Variants in GAREM1 observed in about 807,000 individuals in gnomAD.
GAREM1 encodes GRB2 associated regulator of MAPK1 subtype 1.
Under a neutral mutation model 71.3 loss-of-function variants are expected in GAREM1, and 26 were observed. The observed-to-expected ratio is 0.36, with a 90% CI of 0.27 to 0.51. GAREM1 has a LOEUF of 0.51. Among genes scored for constraint, GAREM1 ranks in the 20% least tolerant of loss-of-function variants. The pLI is 0.95. For synonymous variants in GAREM1, 440 were observed against 433.2 expected, an observed-to-expected ratio of 1.02 and a Z score of -0.20; for missense variants, 1,026 against 1,103.1, an observed-to-expected ratio of 0.93 and a Z score of 0.99.
At chr18:32,459,997 A>G (rs1568020017) in intron 1 of GAREM1, among the ~76,000 whole-genome samples, 1 of 152,164 alleles carries the variant, frequency 6.6e-6, no homozygotes, top group East Asian at 1.9e-4. Context: ...TTTCAAAAAT[A>G]AACATTTACC....
chr18:32,438,699 C>T (rs2048705645), intron 1 of GAREM1, among the ~76,000 whole-genome samples: 1 of 152,280 alleles, frequency 6.6e-6, no homozygotes, highest in East Asian at 1.9e-4. Flanking sequence ...AGGAATTACC[C>T]AACTGCTGAA....
intron 3 of GAREM1, among the ~76,000 whole-genome samples, chr18:32,292,593 T>C (rs1174817358): frequency 6.6e-6 from 1 of 152,170 alleles, no homozygotes; most frequent in African/African-American, 2.4e-5. Flanking sequence ...CCCCAAGCTG[T>C]TCTCGTGATA....
chr18:32,378,011 A>AGTGTGT (rs2048050256), intron 2 of GAREM1, among the ~76,000 whole-genome samples: 1 of 89,886 alleles, frequency 1.1e-5, no homozygotes, highest in Admixed American at 1.1e-4. Context: ...TTACTATATA[A>AGTGTGT]CTGTGTGTGT....
intron 4 of GAREM1, among the ~76,000 whole-genome samples, chr18:32,284,781 G>A (rs553241798): frequency 1.3e-4 from 18 of 141,852 alleles, no homozygotes; most frequent in Admixed American, 5.8e-4. Flanking sequence ...AGACAGTCTC[G>A]CTCTGTCGCC....
intron 2 of GAREM1, among the ~76,000 whole-genome samples, chr18:32,317,132 C>G (rs1013936286): frequency 6.6e-6 from 1 of 152,128 alleles, no homozygotes; most frequent in African/African-American, 2.4e-5. Flanking sequence ...GGGCCAGGCG[C>G]GGTGGCTCAC....
At chr18:32,413,117 C>T (rs2048436363) in intron 1 of GAREM1, 1 of 1,533,622 alleles carries the variant, frequency 6.5e-7, no homozygotes, top group East Asian at 2.2e-5. Context: ...CAAAGCTCAA[C>T]CCTCCAATGA....
chr18:32,394,008 A>T (rs1186164186), intron 1 of GAREM1, among the ~76,000 whole-genome samples: 3 of 152,360 alleles, frequency 2.0e-5, no homozygotes, highest in South Asian at 4.1e-4. Context: ...AAAAATTCTT[A>T]AAAATTTCAG....
intron 2 of GAREM1, among the ~76,000 whole-genome samples, chr18:32,356,906 T>C (rs994107104): frequency 2.6e-5 from 4 of 152,148 alleles, no homozygotes; most frequent in Non-Finnish European, 5.9e-5. Context: ...CCCCCAACCA[T>C]GGCAATCAAT....
intron 1 of GAREM1, among the ~76,000 whole-genome samples, chr18:32,403,488 C>T (rs1453901122): frequency 6.6e-6 from 1 of 152,176 alleles, no homozygotes; most frequent in African/African-American, 2.4e-5. Context: ...AGTTTCCTTG[C>T]CTTGGCCTTT....
chr18:32,301,494 G>A (rs565704703), intron 3 of GAREM1, among the ~76,000 whole-genome samples: 18 of 150,312 alleles, frequency 1.2e-4, no homozygotes, highest in Non-Finnish European at 2.1e-4. Context: ...TTTGCTGATT[G>A]GAGGTCACAC....
Position 32,412,674 on chromosome 18 carries a change from T to C in GAREM1, c.122-19639A>G, listed in dbSNP as rs571772925. 4.8e-5 allele frequency: 72 copies of C among 1,488,184 alleles called. 1 individual carries two copies. The South Asian group carries it at 7.7e-4, about 16-fold the overall frequency. The allele number at this position is 1,488,184 out of a possible 1,614,324, so 92.2% of individuals were successfully genotyped here. On this transcript the variant is annotated intron_variant, in intron 1 of 5. Coordinates refer to ENST00000269209, the MANE Select transcript of GAREM1 (RefSeq NM_001242409.2). ...TTCACAGTTGTGGCCATTCACAGTA[T>C]GGTATTTCTGAATGACAATCTTATC...
chr18:32,286,321 A>T (rs1598930753), intron 4 of GAREM1, among the ~76,000 whole-genome samples: 1 of 143,122 alleles, frequency 7.0e-6, no homozygotes, highest in Non-Finnish European at 1.5e-5. Context: ...CTGGTTCTGG[A>T]GTGTGTGTGT....
At chr18:32,394,975 T>C (rs2048236651) in intron 1 of GAREM1, among the ~76,000 whole-genome samples, 1 of 152,210 alleles carries the variant, frequency 6.6e-6, no homozygotes, top group South Asian at 2.1e-4. Context: ...TAGCAGGTAT[T>C]AGCAGTGATC....
chr18:32,287,475 G>A lies in GAREM1; in HGVS notation c.1122C>T (p.Tyr374=), dbSNP rs138770869. 109 of 1,614,202 alleles carry A rather than the reference G, an allele frequency of 6.8e-5. No homozygotes were observed. Among genetic ancestry groups the A allele is most frequent in the African/African-American group, 5.1e-4 (38 of 75,060 alleles). ...AGGACTGGGTGAGCTCATCGCGGGC[G>A]TAGCTGAGCGAATTGGGCACGTGGT... ...GHNHVPNSLS[Y]ARDELTQSFH... The change falls in exon 4 of 6, where the codon TAC becomes TAT. Residue 374 remains tyrosine (Y), a synonymous_variant. Transcript: ENST00000269209. The surrounding 1 kb of genome is among the most constrained non-coding windows in gnomAD (Gnocchi z 5.9).
intron 1 of GAREM1, 124 bp from the exon 2 acceptor site, chr18:32,393,159 G>A: frequency 5.3e-6 from 4 of 754,000 alleles, no homozygotes; most frequent in Non-Finnish European, 7.9e-6. Context: ...CCCAAGATGA[G>A]ATAAAGTTTA....
intron 2 of GAREM1, among the ~76,000 whole-genome samples, chr18:32,324,963 T>C (rs1165500745): frequency 6.6e-6 from 1 of 152,194 alleles, no homozygotes; most frequent in African/African-American, 2.4e-5. Context: ...CAGAAGTTTT[T>C]TATTTTTTAG....
intron 2 of GAREM1, among the ~76,000 whole-genome samples, chr18:32,343,884 C>A (rs907122505): frequency 1.3e-5 from 2 of 152,086 alleles, no homozygotes; most frequent in African/African-American, 2.4e-5. Flanking sequence ...ACAGGCACCC[C>A]CCACTCCCAG....
chr18:32,353,749 A>G (rs552658329), intron 2 of GAREM1, among the ~76,000 whole-genome samples: 134 of 152,318 alleles, frequency 8.8e-4, no homozygotes, highest in Admixed American at 1.8e-3. Flanking sequence ...AAATAATTCT[A>G]TGCTGTTCTA....
Position 32,268,428 on chromosome 18 carries a change from C to A in GAREM1, c.2074G>T (p.Val692Phe). The part of the protein sequence containing the change: ...SPVTAEFSSS[V>F]SGCPKSASYS... ...CTGGCTGACTTGGGACAACCAGAGA[C>A]GCTGCTACTGAATTCTGCAGTGACT... The change falls in exon 6 of 6, where the codon GTC (valine) becomes TTC (phenylalanine). Residue 692 changes from valine to phenylalanine, a missense_variant. Transcript: ENST00000269209. 1 of 1,614,170 alleles carries A rather than the reference C, an allele frequency of 6.2e-7. No individual in the cohort carries two copies. The highest frequency in any genetic ancestry group is 8.5e-7 in the Non-Finnish European group (1 of 1,180,026).
Sources: gnomAD v4.1 joint callset for allele counts (sites outside exome capture counted in the v4.1 genomes callset) on GRCh38, gnomAD v4.1.1 for gene constraint, Gnocchi (gnomAD v3.1) non-coding constraint, MANE v1.5 for transcripts, NCBI Gene and HGNC (gene_info 2026-07-23, HGNC 2026-07-21) for gene names.